SDK1: variants seen among roughly 807,000 people sequenced by gnomAD.
SDK1 encodes protein sidekick-1.
SDK1 carries 157 observed loss-of-function variants against 245.5 expected under a neutral mutation model. The observed-to-expected ratio is 0.64, with a 90% CI of 0.56 to 0.73. The LOEUF (loss-of-function observed/expected upper bound fraction) is 0.73. Among genes scored for constraint, SDK1 ranks in the 30% least tolerant of loss-of-function variants. SDK1 has a pLI of 0.00. For synonymous variants in SDK1, 1,647 were observed against 1,278.5 expected (o/e 1.29, Z -6.15); for missense variants, 3,583 against 3,002.3 (o/e 1.19, Z -4.52).
At chr7:4,194,441 TATGTATAC>T (rs1481096909) in intron 35 of SDK1, among the ~76,000 whole-genome samples, 1 of 119,450 alleles carries the variant, frequency 8.4e-6, no homozygotes, top group East Asian at 2.0e-4. Context: ...TATATACATA[TATGTATAC>T]ATGTATATAT....
intron 1 of SDK1, among the ~76,000 whole-genome samples, chr7:3,458,274 T>A (rs1436931685): frequency 6.6e-6 from 1 of 152,178 alleles, no homozygotes. Context: ...ATTATTTCTT[T>A]CCCCTGTTGT....
Position 3,688,987 on chromosome 7 carries a change from C to T in SDK1, c.713+46882C>T, listed in dbSNP as rs555888744. 3.9e-5 allele frequency among the ~76,000 whole-genome samples: 6 copies of T among 152,336 alleles called. No individual in the cohort carries two copies. In the South Asian group the frequency reaches 1.2e-3, roughly 32 times the overall value. On this transcript the variant is annotated intron_variant, in intron 4 of 44. Coordinates refer to ENST00000404826, the MANE Select transcript of SDK1 (RefSeq NM_152744.4). ...CTACTGCCCAAGGGGCCAATCCATC[C>T]ATGTTCCCACCTTCTGCTATACTTG...
intron 1 of SDK1, among the ~76,000 whole-genome samples, chr7:3,475,445 GTC>G (rs1164060086): frequency 3.9e-5 from 6 of 152,208 alleles, no homozygotes; most frequent in African/African-American, 7.2e-5. Flanking sequence ...CTTGGAGCAC[GTC>G]TCTCTCACTT....
chr7:4,093,458 C>CAAAAAAAAAAAAA (rs71032922), intron 22 of SDK1, among the ~76,000 whole-genome samples: 3 of 77,758 alleles, frequency 3.9e-5, no homozygotes, highest in Non-Finnish European at 5.7e-5. Context: ...AAATGGAAAG[C>CAAAAAAAAAAAAA]AAAAAAAAAA....
intron 1 of SDK1, among the ~76,000 whole-genome samples, chr7:3,316,108 T>A (rs993633674): frequency 6.6e-6 from 1 of 152,168 alleles, no homozygotes; most frequent in Admixed American, 6.5e-5. Flanking sequence ...GCATAAAAAA[T>A]TTGAGGCATG....
intron 1 of SDK1, among the ~76,000 whole-genome samples, chr7:3,436,667 A>G (rs1387612090): frequency 1.3e-5 from 2 of 152,102 alleles, no homozygotes; most frequent in Non-Finnish European, 2.9e-5. Context: ...TTTTTCTCTT[A>G]TTTTTATCGT....
At chr7:3,526,554 T>G (rs1307918482) in intron 1 of SDK1, among the ~76,000 whole-genome samples, 1 of 152,196 alleles carries the variant, frequency 6.6e-6, no homozygotes, top group Non-Finnish European at 1.5e-5. Context: ...GCAGATAGTT[T>G]GGTGGAATTC....
chr7:3,409,283 A>G (rs1172652379), intron 1 of SDK1, among the ~76,000 whole-genome samples: 2 of 137,898 alleles, frequency 1.5e-5, no homozygotes, highest in East Asian at 4.1e-4. Flanking sequence ...GGTCTGTTTT[A>G]AGATTCTATT....
intron 1 of SDK1, among the ~76,000 whole-genome samples, chr7:3,533,554 C>G (rs573961566): frequency 2.0e-5 from 3 of 151,996 alleles, no homozygotes. Flanking sequence ...ATCAGTTATC[C>G]CTATAAGTCT....
At chr7:3,481,293 G>C (rs940700626) in intron 1 of SDK1, among the ~76,000 whole-genome samples, 4 of 152,234 alleles carry the variant, frequency 2.6e-5, no homozygotes, top group African/African-American at 9.6e-5. Flanking sequence ...CAATTAGTGT[G>C]TGGCAGAAGC....
At chr7:3,378,896 C>T (rs1781416663) in intron 1 of SDK1, among the ~76,000 whole-genome samples, 1 of 152,020 alleles carries the variant, frequency 6.6e-6, no homozygotes, top group Admixed American at 6.5e-5. Context: ...GACCTCTCAT[C>T]GGAGAGTTGC....
chr7:4,117,861 C>T (rs939664162), intron 25 of SDK1, among the ~76,000 whole-genome samples: 1 of 152,152 alleles, frequency 6.6e-6, no homozygotes, highest in African/African-American at 2.4e-5. Context: ...AAGGCCTTTC[C>T]CTCCTTCCTA....
intron 17 of SDK1, among the ~76,000 whole-genome samples, chr7:4,047,223 A>C (rs1478395734): frequency 6.6e-6 from 1 of 152,150 alleles, no homozygotes; most frequent in Non-Finnish European, 1.5e-5. Context: ...AATTTTGCCG[A>C]ATGCTTTTCC....
At chr7:3,719,944 C>T (rs1785316604) in intron 4 of SDK1, among the ~76,000 whole-genome samples, 1 of 151,052 alleles carries the variant, frequency 6.6e-6, no homozygotes, top group Admixed American at 6.6e-5. Context: ...GCCACTGCAC[C>T]CCAGTCTGGT....
At chr7:3,805,476 G>C (rs547002791) in intron 4 of SDK1, among the ~76,000 whole-genome samples, 2 of 152,184 alleles carry the variant, frequency 1.3e-5, no homozygotes, top group African/African-American at 4.8e-5. Flanking sequence ...TATGGTATAA[G>C]ATGTTCTGGG....
At chr7:3,568,737 A>G (rs1241735146) in intron 1 of SDK1, among the ~76,000 whole-genome samples, 1 of 152,156 alleles carries the variant, frequency 6.6e-6, no homozygotes, top group African/African-American at 2.4e-5. Context: ...AGGCTCCCTG[A>G]TTCAAAATGG....
chr7:4,225,952 C>G (rs142831109), intron 40 of SDK1, among the ~76,000 whole-genome samples: 345 of 152,244 alleles, frequency 2.3e-3, no homozygotes, highest in Non-Finnish European at 3.5e-3. Context: ...CCGCGGGACC[C>G]GTGTTCTTTC....
chr7:3,402,701 G>GT (rs1778922767), intron 1 of SDK1, among the ~76,000 whole-genome samples: 1 of 152,032 alleles, frequency 6.6e-6, no homozygotes, highest in Non-Finnish European at 1.5e-5. Flanking sequence ...CTTGATTGCA[G>GT]TTTTCCCTTA....
At chr7:4,252,128 A>C (rs935330347) in intron 44 of SDK1, among the ~76,000 whole-genome samples, 2 of 152,102 alleles carry the variant, frequency 1.3e-5, no homozygotes, top group African/African-American at 4.8e-5. Flanking sequence ...ACATATATAT[A>C]CATGTGCCAT....
Sources: allele counts gnomAD v4.1 joint callset (sites outside exome capture counted in the v4.1 genomes callset), GRCh38; gene constraint gnomAD v4.1.1; transcripts MANE v1.5; gene names NCBI Gene and HGNC (gene_info 2026-07-23, HGNC 2026-07-21).